The following ZNF385D variants were observed in gnomAD, a reference collection of about 807,000 sequenced individuals.
ZNF385D encodes the protein zinc finger protein 385D, also known as zinc finger protein 659.
A neutral mutation model predicts 35.8 loss-of-function variants in ZNF385D; 15 were observed. The observed-to-expected ratio is 0.42, with a 90% CI of 0.28 to 0.64. ZNF385D has a LOEUF of 0.64. Ranked by LOEUF, ZNF385D falls within the 30% of genes least tolerant of loss-of-function variation. ZNF385D has a pLI of 0.23. For missense variants in ZNF385D, 474 were observed against 494.6 expected (o/e 0.96, Z 0.39); for synonymous variants, 212 against 186.8 (o/e 1.13, Z -1.10).
intron 2 of ZNF385D, among the ~76,000 whole-genome samples, chr3:22,243,625 G>T (rs1264078903): frequency 6.6e-6 from 1 of 150,978 alleles, no homozygotes; most frequent in Non-Finnish European, 1.5e-5. Flanking sequence ...CCAGGTGGAG[G>T]CAATGAAAAT....
chr3:21,664,284 T>C (rs555036162), intron 2 of ZNF385D, among the ~76,000 whole-genome samples: 3 of 151,988 alleles, frequency 2.0e-5, no homozygotes, highest in Admixed American at 6.6e-5. Flanking sequence ...AAGAAAGTAA[T>C]TGAACCTGTG....
At chr3:21,496,373 CAT>C (rs1705853207) in intron 4 of ZNF385D, among the ~76,000 whole-genome samples, 2 of 144,422 alleles carry the variant, frequency 1.4e-5, no homozygotes, top group Admixed American at 7.0e-5. Context: ...TATATACACA[CAT>C]ATATTTGATA....
chr3:21,659,061 T>TCTC (rs895418138), intron 2 of ZNF385D, among the ~76,000 whole-genome samples: 2 of 152,014 alleles, frequency 1.3e-5, no homozygotes, highest in African/African-American at 4.8e-5. Flanking sequence ...TTCTCCTTTT[T>TCTC]CTCCTCCTCC....
chr3:21,865,243 G>C (rs1697283065), intron 3 of ZNF385D, among the ~76,000 whole-genome samples: 1 of 151,468 alleles, frequency 6.6e-6, no homozygotes, highest in Non-Finnish European at 1.5e-5. Context: ...TAATGAATCT[G>C]CTATACACAC....
chr3:21,953,274 T>TTC (rs1702144938), intron 3 of ZNF385D, among the ~76,000 whole-genome samples: 1 of 151,734 alleles, frequency 6.6e-6, no homozygotes, highest in African/African-American at 2.4e-5. Context: ...TTTTTTTTTT[T>TTC]CCTCTAAAAA....
chr3:21,989,498 ATAAT>A (rs1257554996), intron 3 of ZNF385D, among the ~76,000 whole-genome samples: 1 of 152,202 alleles, frequency 6.6e-6, no homozygotes, highest in African/African-American at 2.4e-5. Context: ...TTATTAGCAA[ATAAT>A]TATCATTCTC....
At chr3:22,338,568 C>T (rs1298058249) in intron 2 of ZNF385D, among the ~76,000 whole-genome samples, 1 of 151,900 alleles carries the variant, frequency 6.6e-6, no homozygotes, top group Non-Finnish European at 1.5e-5. Flanking sequence ...ATAAATAGCT[C>T]TAGATATGTC....
chr3:22,245,130 CA>C (rs2125320088), intron 2 of ZNF385D, among the ~76,000 whole-genome samples: 1 of 152,186 alleles, frequency 6.6e-6, no homozygotes, highest in South Asian at 2.1e-4. Context: ...ACTGAGGTTC[CA>C]AAGTTTGGGG....
At chr3:21,811,296 G>A (rs891846137) in intron 3 of ZNF385D, among the ~76,000 whole-genome samples, 25 of 152,144 alleles carry the variant, frequency 1.6e-4, no homozygotes, top group Admixed American at 1.1e-3. Flanking sequence ...CATTTCCCAC[G>A]TAGAGAAACC....
At chr3:22,011,977 C>T (rs778811342) in intron 3 of ZNF385D, among the ~76,000 whole-genome samples, 1 of 152,116 alleles carries the variant, frequency 6.6e-6, no homozygotes, top group African/African-American at 2.4e-5. Flanking sequence ...TCTTTGACTT[C>T]TTTCAAGTAT....
Position 21,642,272 on chromosome 3 carries a change from A to G in ZNF385D, c.165+22614T>C, listed in dbSNP as rs1308004636. The stretch of plus-strand genomic sequence containing the variant: ...AGAACTGGCAACCCATTTCTCCAAG[A>G]CCCCTTTCTCTGCAGCAGAGAAAGC... On this transcript the variant is annotated intron_variant, in intron 2 of 7. Transcript: ENST00000281523. Among the ~76,000 whole-genome samples, 3 of 151,996 alleles carry G rather than the reference A, an allele frequency of 2.0e-5. No homozygotes were observed. The South Asian group carries it at 6.2e-4, about 32-fold the overall frequency.
chr3:21,817,516 A>G (rs2073204788), intron 3 of ZNF385D, among the ~76,000 whole-genome samples: 1 of 152,202 alleles, frequency 6.6e-6, no homozygotes, highest in African/African-American at 2.4e-5. Context: ...TGGGTGAAGG[A>G]TATGAACAGA....
chr3:21,724,597 T>C, intron 1 of ZNF385D, among the ~76,000 whole-genome samples: 1 of 137,564 alleles, frequency 7.3e-6, no homozygotes, highest in Non-Finnish European at 1.5e-5. Context: ...GGGCATTACA[T>C]AAGGGTAAAG....
At chr3:22,366,335 G>T (rs1696655767) in intron 2 of ZNF385D, among the ~76,000 whole-genome samples, 1 of 151,996 alleles carries the variant, frequency 6.6e-6, no homozygotes, top group Non-Finnish European at 1.5e-5. Flanking sequence ...TGAGGACAGG[G>T]TCTCACTTTT....
intron 2 of ZNF385D, among the ~76,000 whole-genome samples, chr3:22,191,489 G>GA (rs200074769): frequency 0.042 from 4,525 of 107,266 alleles, 174 homozygotes; most frequent in African/African-American, 0.12. Flanking sequence ...CTCCATCTAA[G>GA]AAAAAAAAAA....
chr3:21,987,613 A>C (rs1694882525), intron 3 of ZNF385D, among the ~76,000 whole-genome samples: 1 of 133,742 alleles, frequency 7.5e-6, no homozygotes, highest in Non-Finnish European at 1.6e-5. Context: ...TTTTTCCTTC[A>C]TTTCAACTTT....
intron 3 of ZNF385D, among the ~76,000 whole-genome samples, chr3:21,779,396 T>C (rs2071409094): frequency 6.6e-6 from 1 of 151,874 alleles, no homozygotes. Flanking sequence ...TTGTCTGCTT[T>C]ATAAAAATGT....
chr3:22,057,513 A>AT (rs35980797), intron 3 of ZNF385D, among the ~76,000 whole-genome samples: 59,820 of 144,786 alleles, frequency 0.41, 12,217 homozygotes, highest in Middle Eastern at 0.51. Flanking sequence ...CTTTTAAAGT[A>AT]TTTTTTTTTT....
At chr3:21,863,625 G>T (rs189614187) in intron 3 of ZNF385D, among the ~76,000 whole-genome samples, 1 of 152,098 alleles carries the variant, frequency 6.6e-6, no homozygotes, top group Non-Finnish European at 1.5e-5. Flanking sequence ...TGAGAGAGAA[G>T]ATAAGAAACT....
Sources: gnomAD v4.1 joint callset for allele counts (sites outside exome capture counted in the v4.1 genomes callset) on GRCh38, gnomAD v4.1.1 for gene constraint, MANE v1.5 for transcripts, NCBI Gene and HGNC (gene_info 2026-07-23, HGNC 2026-07-21) for gene names.